The following NLGN4X variants were observed in gnomAD, a reference collection of about 807,000 sequenced individuals.
NLGN4X encodes the protein neuroligin 4 X-linked.
NLGN4X carries 3 observed loss-of-function variants against 40.3 expected under a neutral mutation model. The ratio of observed to expected loss-of-function variants is 0.07; its 90% CI spans 0.03 to 0.19. The LOEUF (loss-of-function observed/expected upper bound fraction) is 0.19. Among genes scored for constraint, NLGN4X ranks in the 10% least tolerant of loss-of-function variants. The pLI, the probability that NLGN4X is intolerant of heterozygous loss-of-function variation, is 1.00. For synonymous variants in NLGN4X, 270 were observed against 306.8 expected (o/e 0.88, Z 1.25); for missense variants, 382 against 708.3 (o/e 0.54, Z 5.23).
At chrX:6,219,819 CAAAG>C (rs1286375597) in intron 1 of NLGN4X, among the ~76,000 whole-genome samples, 1 of 111,801 alleles carries the variant, frequency 8.9e-6, no homozygotes, top group Non-Finnish European at 1.9e-5. Flanking sequence ...CCTGGAATGA[CAAAG>C]AAGCATGTTC....
intron 3 of NLGN4X, among the ~76,000 whole-genome samples, chrX:5,986,873 T>C (rs1283733871): frequency 8.9e-6 from 1 of 111,860 alleles, no homozygotes; most frequent in East Asian, 2.8e-4. Context: ...ATGTTGAAGA[T>C]TGCACACTCC....
chrX:5,999,661 A>G (rs2035923627), intron 3 of NLGN4X, among the ~76,000 whole-genome samples: 1 of 112,383 alleles, frequency 8.9e-6, no homozygotes. Flanking sequence ...TTTTGTCAAT[A>G]TTTTTCTTTT....
chrX:5,925,881 C>CATATATATATATATAT, intron 3 of NLGN4X, among the ~76,000 whole-genome samples: 1 of 19,514 alleles, frequency 5.1e-5, no homozygotes, highest in African/African-American at 1.3e-4. Flanking sequence ...TACATACACA[C>CATATATATATATATAT]ATATATATAT....
chrX:6,119,001 A>C (rs949516029), intron 2 of NLGN4X, among the ~76,000 whole-genome samples: 6 of 112,102 alleles, frequency 5.4e-5, no homozygotes, highest in Non-Finnish European at 9.4e-5. Context: ...TAAAAATAAT[A>C]ACTGTGTGGG....
intron 2 of NLGN4X, among the ~76,000 whole-genome samples, chrX:6,103,126 G>C (rs2147499447): frequency 8.9e-6 from 1 of 111,900 alleles, no homozygotes; most frequent in African/African-American, 3.2e-5. Context: ...TCTGACATAA[G>C]CATATATTTG....
intron 2 of NLGN4X, among the ~76,000 whole-genome samples, chrX:6,122,301 C>T (rs2147582960): frequency 9.0e-6 from 1 of 111,721 alleles, no homozygotes; most frequent in African/African-American, 3.3e-5. Flanking sequence ...TGCAGTGGCA[C>T]AATCTCTGCT....
intron 3 of NLGN4X, among the ~76,000 whole-genome samples, chrX:5,918,795 G>A (rs1309986859): frequency 8.9e-6 from 1 of 112,187 alleles, no homozygotes; most frequent in Non-Finnish European, 1.9e-5. Flanking sequence ...TAAGCCTGAA[G>A]TCCGCAACTT....
intron 2 of NLGN4X, among the ~76,000 whole-genome samples, chrX:6,066,643 G>A (rs1482161842): frequency 9.0e-6 from 1 of 111,131 alleles, no homozygotes; most frequent in Non-Finnish European, 1.9e-5. Flanking sequence ...AAATTAGCCG[G>A]GTTTGGTGGT....
At chrX:5,942,868 A>C (rs955946507) in intron 3 of NLGN4X, among the ~76,000 whole-genome samples, 1 of 111,246 alleles carries the variant, frequency 9.0e-6, no homozygotes, top group Non-Finnish European at 1.9e-5. Context: ...ATTAGTTTAT[A>C]GACAGGAATG....
intron 2 of NLGN4X, among the ~76,000 whole-genome samples, chrX:6,111,341 T>C (rs1332235523): frequency 9.0e-6 from 1 of 111,404 alleles, no homozygotes; most frequent in Non-Finnish European, 1.9e-5. Context: ...CCTTCCAACA[T>C]GTGAGGATAA....
intron 3 of NLGN4X, among the ~76,000 whole-genome samples, chrX:6,000,722 C>A (rs12832333): frequency 0.28 from 30,510 of 110,600 alleles, 3,795 homozygotes; most frequent in African/African-American, 0.48. Flanking sequence ...TCACTATCAG[C>A]ATTTTGGTCA....
intron 3 of NLGN4X, among the ~76,000 whole-genome samples, chrX:5,968,814 T>C (rs184263977): frequency 9.1e-6 from 1 of 109,540 alleles, no homozygotes; most frequent in Admixed American, 9.9e-5. Context: ...TGTGGATTGC[T>C]GTGTTCAATG....
At chrX:6,221,472 T>G (rs1346776415) in intron 1 of NLGN4X, among the ~76,000 whole-genome samples, 20 of 96,369 alleles carry the variant, frequency 2.1e-4, no homozygotes, top group Admixed American at 1.7e-3. Context: ...GAAAAACATT[T>G]TCAGCAAAGA....
At chrX:6,135,317 A>C (rs1019385427) in intron 2 of NLGN4X, among the ~76,000 whole-genome samples, 2 of 111,750 alleles carry the variant, frequency 1.8e-5, no homozygotes, top group African/African-American at 6.5e-5. Context: ...CAAACCAACA[A>C]CAACAGCAAC....
Position 5,903,214 on chromosome X carries a change from G to A in NLGN4X, c.1464C>T (p.Ala488=), listed in dbSNP as rs747358674. 8.3e-7 allele frequency: 1 copy of A among 1,211,951 alleles called. No individual in the cohort carries two copies. The highest frequency in any genetic ancestry group is 1.1e-6 in the Non-Finnish European group (1 of 895,589). ...AGACATAGGGGACCTCATCACCATGGGCCGAATCTGCCCAGCTGGGCTTCA... is the reference window on the plus strand; with the variant it reads ...AGACATAGGGGACCTCATCACCATGAGCCGAATCTGCCCAGCTGGGCTTCA... ...SEMKPSWADS[A]HGDEVPYVFG... is the part of the protein sequence containing the mutation. Residue 488 remains alanine, a synonymous_variant, in exon 5 of 6, where the codon GCC becomes GCT. Coordinates refer to ENST00000381095, the MANE Select transcript of NLGN4X (RefSeq NM_181332.3).
At chrX:5,997,601 C>CAT (rs369925416) in intron 3 of NLGN4X, among the ~76,000 whole-genome samples, 32 of 90,794 alleles carry the variant, frequency 3.5e-4, no homozygotes, top group Admixed American at 2.7e-3. Context: ...TATATATACA[C>CAT]ATATATATAT....
At chrX:6,050,776 C>CT (rs369028719) in intron 2 of NLGN4X, among the ~76,000 whole-genome samples, 1 of 103,354 alleles carries the variant, frequency 9.7e-6, no homozygotes, top group African/African-American at 3.5e-5. Context: ...TCTGTCTGTC[C>CT]ATCTATCTAT....
At chrX:6,101,083 A>T (rs2038898938) in intron 2 of NLGN4X, among the ~76,000 whole-genome samples, 1 of 111,987 alleles carries the variant, frequency 8.9e-6, no homozygotes, top group Admixed American at 9.5e-5. Flanking sequence ...AAAGAAAAAA[A>T]CCAAAACATT....
chrX:6,050,275 C>T (rs1175677979), intron 2 of NLGN4X, among the ~76,000 whole-genome samples: 2 of 111,682 alleles, frequency 1.8e-5, no homozygotes, highest in Non-Finnish European at 3.8e-5. Flanking sequence ...TTACAGATAG[C>T]TATAGAGATG....
Sources: gnomAD v4.1 joint callset for allele counts (sites outside exome capture counted in the v4.1 genomes callset) on GRCh38, gnomAD v4.1.1 for gene constraint, MANE v1.5 for transcripts, NCBI Gene and HGNC (gene_info 2026-07-23, HGNC 2026-07-21) for gene names.